The following SLC37A2 variants were observed in gnomAD, a reference collection of about 807,000 sequenced individuals.
SLC37A2 encodes the protein solute carrier family 37 member 2.
In SLC37A2, 59 loss-of-function variants were observed where a neutral mutation model predicts 70.7. The observed-to-expected ratio is 0.83, with a 90% confidence interval of 0.68 to 1.04. The LOEUF (loss-of-function observed/expected upper bound fraction) is 1.04. Ranked by LOEUF, SLC37A2 falls within the 50% of genes least tolerant of loss-of-function variation. SLC37A2 has a pLI of 0.00. For synonymous variants in SLC37A2, 257 were observed against 262.1 expected (o/e 0.98, Z 0.19); for missense variants, 580 against 658.1 (o/e 0.88, Z 1.30).
At chr11:125,082,211 C>T (rs758651141) in intron 9 of SLC37A2, 33 bp from the exon 10 acceptor site, 2 of 1,607,186 alleles carry the variant, frequency 1.2e-6, no homozygotes, top group African/African-American at 1.3e-5. Context: ...ACCTCTGGAC[C>T]CCTTCCCATG....
chr11:125,076,877 AC>A lies in SLC37A2; in HGVS notation c.141+40del, dbSNP rs1260530589. On this transcript the variant is annotated intron_variant, in intron 2 of 17. Transcript: ENST00000403796. ...GCAGCAAGGAAGAGTGCAGAAGCAC[AC>A]TGTCGTAACCGTCCTTACCCCTTCC... 3.7e-6 allele frequency: 6 copies of A among 1,600,594 alleles called. No individual in the cohort carries two copies. The African/African-American group carries it at 8.0e-5, about 21-fold the overall frequency.
Position 125,083,268 on chromosome 11 carries a change from G to A in SLC37A2, c.977-547G>A, listed in dbSNP as rs1949169221. On this transcript the variant is annotated intron_variant, in intron 10 of 17. Transcript: ENST00000403796. This position sits in a 1 kb window ranked among gnomAD's most constrained non-coding sequence, Gnocchi z 4.6. ...CCGTGACTCTTTGTTTTGTGGCCTTGGTGCTGACTTCAGAGTATGAGGCAC... is the reference window on the plus strand; with the variant it reads ...CCGTGACTCTTTGTTTTGTGGCCTTAGTGCTGACTTCAGAGTATGAGGCAC... 6.5e-6 allele frequency: 1 copy of A among 152,832 alleles called. No individual in the cohort carries two copies. The highest frequency in any genetic ancestry group is 6.5e-5 in the Admixed American group (1 of 15,342). 9.5% of individuals were successfully genotyped at this position (152,832 alleles called of 1,614,324 possible).
chr11:125,085,659 C>A lies in SLC37A2; in HGVS notation c.1410C>A (p.Asp470Glu). The stretch of plus-strand genomic sequence containing the variant: ...TCTTCTACATGCTCATCTCTGCCGA[C>A]GTCCTAGCCTGCTTGGTAAGAGTCT... ...NNVFYMLISADVLACLLLCRL... is the reference protein window; with the variant it reads ...NNVFYMLISAEVLACLLLCRL... Residue 470 changes from aspartate to glutamate, a missense_variant, in exon 16 of 18, where the codon GAC becomes GAA. Coordinates refer to ENST00000403796, the MANE Select transcript of SLC37A2 (RefSeq NM_001145290.2). 6.2e-7 allele frequency: 1 copy of A among 1,613,222 alleles called. No individual in the cohort carries two copies. The highest frequency in any genetic ancestry group is 8.5e-7 in the Non-Finnish European group (1 of 1,179,998).
rs1165022433 is a variant in SLC37A2 at position 125,083,670 on chromosome 11, TG to T, written c.977-143del. ...CTGCTGCATTCTCACCCTGTGGCCC[TG>T]GCCAGCCTGCTCCACAGGTCCCCAG... On this transcript the variant is annotated intron_variant, in intron 10 of 17. Coordinates refer to ENST00000403796, the MANE Select transcript of SLC37A2 (RefSeq NM_001145290.2). The surrounding 1 kb of genome is among the most constrained non-coding windows in gnomAD (Gnocchi z 4.6). The T allele has an allele frequency of 1.4e-6, 1 of 707,294 alleles. No homozygotes were observed. The highest frequency in any genetic ancestry group is 2.5e-6 in the Non-Finnish European group (1 of 403,678). The allele number at this position is 707,294 out of a possible 1,614,324, so 43.8% of individuals were successfully genotyped here.
rs1469167318 is a variant in SLC37A2, at chr11:125,085,492, G to T, written c.1327+19G>T. On this transcript the variant is annotated intron_variant, in intron 15 of 17. Transcript: ENST00000403796. ...TCCATAGGTCTGTGACTCTAGCTCT[G>T]TTGTGGGCCGGCCCCTAGGCATAGT... 6.2e-7 allele frequency: 1 copy of T among 1,613,692 alleles called. No individual in the cohort carries two copies. The highest frequency in any genetic ancestry group is 1.3e-5 in the African/African-American group (1 of 74,930).
chr11:125,082,239 C>T lies in SLC37A2; in HGVS notation c.886-5C>T. Reference sequence around the variant, plus strand: ...TTCCCATGTGCCCCCTGTTGCACTCCCCAGGGCGTGGTCGAGTTCTCTCTG... The same window carrying T: ...TTCCCATGTGCCCCCTGTTGCACTCTCCAGGGCGTGGTCGAGTTCTCTCTG... On this transcript the variant is annotated splice_region_variant and splice_polypyrimidine_tract_variant and intron_variant, in intron 9 of 17. Transcript: ENST00000403796. 1 of 1,613,822 alleles carries T rather than the reference C, an allele frequency of 6.2e-7. No individual in the cohort carries two copies. The highest frequency in any genetic ancestry group is 8.5e-7 in the Non-Finnish European group (1 of 1,179,806).
chr11:125,084,793 G>A (rs938233637), intron 12 of SLC37A2, 32 bp from the exon 13 acceptor site: 4 of 1,610,636 alleles, frequency 2.5e-6, no homozygotes, highest in Non-Finnish European at 3.4e-6. Flanking sequence ...AGGGATTCCG[G>A]GTGACTCTGC....
intron 12 of SLC37A2, 110 bp downstream of exon 12, chr11:125,084,429 G>T: frequency 9.1e-7 from 1 of 1,093,942 alleles, no homozygotes; most frequent in Non-Finnish European, 1.4e-6. Flanking sequence ...CGCTGTGTAC[G>T]CGTGCACATG....
intron 1 of SLC37A2, among the ~76,000 whole-genome samples, chr11:125,068,572 A>G (rs1949002195): frequency 1.3e-5 from 2 of 152,184 alleles, no homozygotes; most frequent in Admixed American, 6.5e-5. Context: ...GGCATTTCCT[A>G]TGTGCCATGT....
intron 8 of SLC37A2, 26 bp downstream of exon 8, chr11:125,081,484 T>C: frequency 6.2e-7 from 1 of 1,600,358 alleles, no homozygotes; most frequent in Non-Finnish European, 8.5e-7. Flanking sequence ...CCCAGCCCTA[T>C]CCCTGCCCTC....
chr11:125,081,755 G>T lies in SLC37A2; in HGVS notation c.734G>T (p.Gly245Val). Residue 245 changes from glycine (G) to valine (V), a missense_variant and splice_region_variant, in exon 9 of 18, where the codon GGT (glycine) becomes GTT (valine). By Grantham distance (109) the Gly-to-Val change is moderately radical. Transcript: ENST00000403796. Reference sequence around the variant, plus strand: ...GCAGGGCTCATCTCCTCTGCTCAGGGTGAGCCAGCTGAGAACCAGGACAAC... The same window carrying T: ...GCAGGGCTCATCTCCTCTGCTCAGGTTGAGCCAGCTGAGAACCAGGACAAC... ...DVDCAPPQHH[G>V]EPAENQDNPE... is the part of the protein sequence containing the mutation. 1.3e-6 allele frequency: 2 copies of T among 1,594,482 alleles called. No homozygotes were observed. Among genetic ancestry groups the T allele is most frequent in the Non-Finnish European group, 8.5e-7 (1 of 1,170,226 alleles).
intron 1 of SLC37A2, 108 bp from the exon 2 acceptor site, chr11:125,076,649 G>A: frequency 1.0e-6 from 1 of 984,022 alleles, no homozygotes; most frequent in South Asian, 1.4e-5. Flanking sequence ...AGAGTTGGTG[G>A]TCCTCAGGCC....
intron 17 of SLC37A2, chr11:125,086,577 A>G: frequency 2.7e-6 from 1 of 377,024 alleles, no homozygotes; most frequent in Non-Finnish European, 5.0e-6. Context: ...CCTGAAGTTC[A>G]GAAACCAAGG....
intron 9 of SLC37A2, 136 bp downstream of exon 9, chr11:125,082,042 T>A (rs1240314521): frequency 1.8e-6 from 2 of 1,102,006 alleles, no homozygotes; most frequent in African/African-American, 3.2e-5. Flanking sequence ...GCAGCCTGCT[T>A]GGGGAGGGCA....
At chr11:125,072,711 G>A (rs1389548951) in intron 1 of SLC37A2, among the ~76,000 whole-genome samples, 5 of 152,224 alleles carry the variant, frequency 3.3e-5, no homozygotes, top group African/African-American at 9.6e-5. Flanking sequence ...GCATGAGCTT[G>A]GCAGTCTTGG....
chr11:125,064,030 T>C (rs1428320481), intron 1 of SLC37A2, among the ~76,000 whole-genome samples: 2 of 152,200 alleles, frequency 1.3e-5, no homozygotes, highest in Non-Finnish European at 2.9e-5. Flanking sequence ...AGGGACCACA[T>C]GTTGGGCTGC....
rs530754418 is a variant in SLC37A2, at chr11:125,086,027, G to A, written c.1490+9G>A. 4.3e-5 allele frequency: 69 copies of A among 1,613,270 alleles called. No individual in the cohort carries two copies. Among genetic ancestry groups the A allele is most frequent in the African/African-American group, 1.6e-4 (12 of 75,008 alleles). On this transcript the variant is annotated intron_variant, in intron 17 of 17. Coordinates refer to ENST00000403796, the MANE Select transcript of SLC37A2 (RefSeq NM_001145290.2). Reference sequence around the variant, plus strand: ...CTGAGCAGAGGCAGCGGGTGAGTCCGGGGAGCTGAAGCTGCCCCTCTACCA... The same window carrying A: ...CTGAGCAGAGGCAGCGGGTGAGTCCAGGGAGCTGAAGCTGCCCCTCTACCA...
chr11:125,076,956 G>A (rs1019761073), intron 2 of SLC37A2, 118 bp downstream of exon 2: 4 of 965,822 alleles, frequency 4.1e-6, no homozygotes, highest in South Asian at 1.4e-5. Context: ...CTCAGTGGCT[G>A]TCTTCCCCAG....
chr11:125,085,221 G>T, intron 14 of SLC37A2, 82 bp downstream of exon 14: 1 of 1,426,990 alleles, frequency 7.0e-7, no homozygotes, highest in Non-Finnish European at 9.8e-7. Context: ...ATTTCTCCCT[G>T]TCTCCCATCC....
Sources: allele counts gnomAD v4.1 joint callset (sites outside exome capture counted in the v4.1 genomes callset), GRCh38; gene constraint gnomAD v4.1.1; non-coding constraint Gnocchi (gnomAD v3.1); transcripts MANE v1.5; gene names NCBI Gene and HGNC (gene_info 2026-07-23, HGNC 2026-07-21).